PKNOX2: variants seen among roughly 807,000 people sequenced by gnomAD.
PKNOX2 encodes homeobox protein PKNOX2.
Under a neutral mutation model 53.1 loss-of-function variants are expected in PKNOX2, and 14 were observed. The ratio of observed to expected loss-of-function variants is 0.26; its 90% CI spans 0.17 to 0.41. The LOEUF (loss-of-function observed/expected upper bound fraction) is 0.41. Ranked by LOEUF, PKNOX2 falls within the 10% of genes least tolerant of loss-of-function variation. The pLI is 1.00. For synonymous variants in PKNOX2, 257 were observed against 242.8 expected, an observed-to-expected ratio of 1.06 and a Z score of -0.54; for missense variants, 496 against 602.8, an observed-to-expected ratio of 0.82 and a Z score of 1.85.
chr11:125,418,754 C>T (rs1379817312), intron 10 of PKNOX2, among the ~76,000 whole-genome samples: 1 of 152,032 alleles, frequency 6.6e-6, no homozygotes, highest in African/African-American at 2.4e-5. Flanking sequence ...ATCCGACCAA[C>T]CTTGGATTGA....
chr11:125,417,259 C>G (rs1955936610), intron 10 of PKNOX2, among the ~76,000 whole-genome samples: 1 of 151,954 alleles, frequency 6.6e-6, no homozygotes, highest in African/African-American at 2.4e-5. Context: ...TGATTCTGCT[C>G]CTTTCCATCC....
intron 2 of PKNOX2, among the ~76,000 whole-genome samples, chr11:125,256,647 C>A (rs1339193625): frequency 6.6e-6 from 1 of 152,178 alleles, no homozygotes; most frequent in Non-Finnish European, 1.5e-5. Flanking sequence ...CATCCTTGAG[C>A]CCCTGAACCT....
At chr11:125,387,237 C>T (rs879725660) in intron 6 of PKNOX2, among the ~76,000 whole-genome samples, 3 of 152,168 alleles carry the variant, frequency 2.0e-5, no homozygotes, top group South Asian at 2.1e-4. Flanking sequence ...CAGGAGATGC[C>T]GCAGCCATTT....
At chr11:125,206,925 A>G (rs916888178) in intron 1 of PKNOX2, among the ~76,000 whole-genome samples, 4 of 151,276 alleles carry the variant, frequency 2.6e-5, no homozygotes, top group African/African-American at 9.7e-5. Flanking sequence ...CCTGTAGTAC[A>G]GCAGGCAAGT....
At chr11:125,428,054 G>A (rs1365088001) in intron 10 of PKNOX2, among the ~76,000 whole-genome samples, 1 of 152,144 alleles carries the variant, frequency 6.6e-6, no homozygotes, top group Non-Finnish European at 1.5e-5. Flanking sequence ...CCAAACCACA[G>A]CATTGAGTGC....
chr11:125,194,370 C>A (rs138780936), intron 1 of PKNOX2, among the ~76,000 whole-genome samples: 5 of 152,178 alleles, frequency 3.3e-5, no homozygotes, highest in Non-Finnish European at 7.3e-5. Flanking sequence ...GATAACACAG[C>A]GAGTCTTTTC....
At chr11:125,361,429 C>T (rs1951919310) in intron 4 of PKNOX2, among the ~76,000 whole-genome samples, 1 of 152,150 alleles carries the variant, frequency 6.6e-6, no homozygotes, top group Non-Finnish European at 1.5e-5. Flanking sequence ...ACCTGAAACC[C>T]CAGAAGGTAA....
At chr11:125,416,810 G>T (rs1308197063) in intron 10 of PKNOX2, among the ~76,000 whole-genome samples, 1 of 152,068 alleles carries the variant, frequency 6.6e-6, no homozygotes, top group Admixed American at 6.5e-5. Flanking sequence ...ACTGGTTCCT[G>T]TTGTCTTCTT....
At chr11:125,316,395 C>A (rs1050697303) in intron 2 of PKNOX2, among the ~76,000 whole-genome samples, 3 of 152,178 alleles carry the variant, frequency 2.0e-5, no homozygotes, top group African/African-American at 7.2e-5. Flanking sequence ...GGAATTTAAT[C>A]CCTAGCTTCA....
chr11:125,319,798 G>T (rs1949410615), intron 2 of PKNOX2, among the ~76,000 whole-genome samples: 1 of 152,214 alleles, frequency 6.6e-6, no homozygotes, highest in African/African-American at 2.4e-5. Context: ...CACCTTCCAG[G>T]AACATGGGTA....
At chr11:125,244,101 A>G (rs1281732852) in intron 2 of PKNOX2, among the ~76,000 whole-genome samples, 1 of 152,226 alleles carries the variant, frequency 6.6e-6, no homozygotes, top group Non-Finnish European at 1.5e-5. Context: ...AAGCACCCTG[A>G]GCTACAGGGC....
chr11:125,227,221 G>C (rs1386827967), intron 1 of PKNOX2, among the ~76,000 whole-genome samples: 1 of 152,162 alleles, frequency 6.6e-6, no homozygotes, highest in Non-Finnish European at 1.5e-5. Context: ...GGGAGGGAAT[G>C]GGTTGCTAGA....
At chr11:125,305,738 G>A (rs1033279342) in intron 2 of PKNOX2, among the ~76,000 whole-genome samples, 3 of 152,182 alleles carry the variant, frequency 2.0e-5, no homozygotes, top group Non-Finnish European at 4.4e-5. Flanking sequence ...GGAAGGGAGG[G>A]GAGAGAAGAG....
intron 10 of PKNOX2, among the ~76,000 whole-genome samples, chr11:125,417,412 T>C (rs1435743549): frequency 6.6e-6 from 1 of 152,034 alleles, no homozygotes; most frequent in Non-Finnish European, 1.5e-5. Context: ...CATTAGCCAC[T>C]GCAGCGTGCC....
Position 125,235,122 on chromosome 11 carries a change from A to G in PKNOX2, c.-130+7A>G, listed in dbSNP as rs182015881. On this transcript the variant is annotated splice_region_variant and intron_variant, in intron 2 of 12. Transcript: ENST00000298282. ...AGAAAAGGGGCTGTGAACTGTAAGT[A>G]ACTTTGATTGGCGTTTTCCATGCTG... 1.3e-5 allele frequency: 2 copies of G among 152,792 alleles called. No homozygotes were observed. The highest frequency in any genetic ancestry group is 3.9e-4 in the East Asian group (2 of 5,180). 9.5% of individuals were successfully genotyped at this position (152,792 alleles called of 1,614,324 possible).
chr11:125,385,421 G>T (rs1313482870), intron 5 of PKNOX2, 130 bp from the exon 6 acceptor site: 2 of 1,023,164 alleles, frequency 2.0e-6, no homozygotes, highest in South Asian at 1.8e-5. Context: ...AGGGACTGGG[G>T]ATGTTATCAA....
At chr11:125,395,897 C>A (rs1954358248) in intron 6 of PKNOX2, among the ~76,000 whole-genome samples, 1 of 150,242 alleles carries the variant, frequency 6.7e-6, no homozygotes, top group Admixed American at 6.6e-5. Flanking sequence ...TTCACAGGGT[C>A]TTTTGAAGAG....
intron 2 of PKNOX2, among the ~76,000 whole-genome samples, chr11:125,306,908 G>C (rs1345574688): frequency 2.0e-5 from 3 of 152,184 alleles, no homozygotes; most frequent in Admixed American, 1.3e-4. Flanking sequence ...TGAGAGAATG[G>C]ATTTAAGGCC....
chr11:125,190,688 G>A (rs1457153214), intron 1 of PKNOX2, among the ~76,000 whole-genome samples: 2 of 152,030 alleles, frequency 1.3e-5, no homozygotes, highest in Non-Finnish European at 2.9e-5. Flanking sequence ...ATTTGCTCTC[G>A]AGGGTCCACT....
Sources: allele counts gnomAD v4.1 joint callset (sites outside exome capture counted in the v4.1 genomes callset), GRCh38; gene constraint gnomAD v4.1.1; transcripts MANE v1.5; gene names NCBI Gene and HGNC (gene_info 2026-07-23, HGNC 2026-07-21).